FLYWCH1: variants seen among roughly 807,000 people sequenced by gnomAD.
FLYWCH1 encodes FLYWCH-type zinc finger 1, also known as FLYWCH-type zinc finger-containing protein 1.
FLYWCH1 carries 75 observed loss-of-function variants against 66.4 expected under a neutral mutation model. The observed-to-expected ratio is 1.13, with a 90% CI of 0.94 to 1.37. FLYWCH1 has a LOEUF of 1.37. Among genes scored for constraint, FLYWCH1 ranks in the 40% most tolerant of loss-of-function variants. The pLI, the probability that FLYWCH1 is intolerant of heterozygous loss-of-function variation, is 0.00. For synonymous variants in FLYWCH1, 595 were observed against 429.9 expected (o/e 1.38, Z -4.75); for missense variants, 1,334 against 1,001.8 (o/e 1.33, Z -4.48).
chr16:2,938,636 T>G (rs1480545984), intron 8 of FLYWCH1, among the ~76,000 whole-genome samples, 180 bp downstream of exon 8: 5 of 142,546 alleles, frequency 3.5e-5, no homozygotes, highest in East Asian at 4.1e-4. Flanking sequence ...TTTTTGAGAC[T>G]GAGTCTTGCT....
intron 6 of FLYWCH1, chr16:2,934,496 G>C (rs770806086): frequency 5.3e-6 from 2 of 374,738 alleles, no homozygotes; most frequent in African/African-American, 4.2e-5. Context: ...TCGGCCCCCC[G>C]CAGTGCCTGG....
intron 2 of FLYWCH1, among the ~76,000 whole-genome samples, chr16:2,923,537 C>T (rs1025224184): frequency 2.0e-5 from 3 of 152,140 alleles, no homozygotes; most frequent in Admixed American, 6.6e-5. Flanking sequence ...TGAGCCACAG[C>T]GCCCGGGCAG....
chr16:2,927,487 CAGG>C (rs1161348280), intron 2 of FLYWCH1, among the ~76,000 whole-genome samples: 2 of 152,172 alleles, frequency 1.3e-5, no homozygotes, highest in African/African-American at 2.4e-5. Context: ...ATTGCTCCAG[CAGG>C]AGTTGATGTA....
intron 9 of FLYWCH1, among the ~76,000 whole-genome samples, chr16:2,946,971 T>C (rs2071512336): frequency 6.6e-6 from 1 of 152,158 alleles, no homozygotes; most frequent in African/African-American, 2.4e-5. Context: ...AGGTACCCTA[T>C]GACCCAGCAA....
At chr16:2,921,798 T>A (rs1567323138) in intron 2 of FLYWCH1, among the ~76,000 whole-genome samples, 1 of 152,140 alleles carries the variant, frequency 6.6e-6, no homozygotes, top group Non-Finnish European at 1.5e-5. Flanking sequence ...GTGTGGTGGC[T>A]CACACCTGTA....
chr16:2,930,903 C>T (rs765657859), intron 4 of FLYWCH1, 23 bp downstream of exon 4: 45 of 1,545,006 alleles, frequency 2.9e-5, no homozygotes, highest in Admixed American at 1.7e-4. Context: ...CACTCCCCTG[C>T]TGCGTCCACT....
At chr16:2,948,661 A>C in intron 9 of FLYWCH1, 27 bp from the exon 10 acceptor site, 1 of 1,611,410 alleles carries the variant, frequency 6.2e-7, no homozygotes, top group Non-Finnish European at 8.5e-7. Flanking sequence ...TGATGTGTGC[A>C]ATGAACATGT....
chr16:2,921,549 A>T (rs932046731), intron 2 of FLYWCH1, among the ~76,000 whole-genome samples: 2 of 151,874 alleles, frequency 1.3e-5, no homozygotes, highest in Non-Finnish European at 2.9e-5. Context: ...ATTTTTTTTT[A>T]ATTTAATTAA....
intron 4 of FLYWCH1, among the ~76,000 whole-genome samples, chr16:2,931,615 CAAAA>C (rs555944806): frequency 1.9e-4 from 27 of 145,056 alleles, no homozygotes; most frequent in African/African-American, 6.3e-4. Context: ...GACCCTGTCT[CAAAA>C]AAAAAAATCA....
chr16:2,942,172 G>C (rs77638275), intron 9 of FLYWCH1, among the ~76,000 whole-genome samples: 11 of 152,072 alleles, frequency 7.2e-5, no homozygotes, highest in Admixed American at 1.3e-4. Flanking sequence ...CAGGAATAAA[G>C]ATGAGACCTT....
At position 2,929,832 on chromosome 16, in the gene FLYWCH1, C is replaced by A. The variant is rs199887593; in HGVS notation, c.147C>A (p.Asp49Glu). 216 of 1,613,978 alleles carry A rather than the reference C, an allele frequency of 1.3e-4. No individual in the cohort carries two copies. The highest frequency in any genetic ancestry group is 1.8e-4 in the Non-Finnish European group (211 of 1,179,894). ...FSKLVLLTAS[D>E]QDEDGVGSKP... The stretch of plus-strand genomic sequence containing the variant: ...AACTGGTGCTGCTCACAGCCTCCGA[C>A]CAAGATGAGGATGGGGTGGGATCCA... Residue 49 changes from aspartate to glutamate, a missense_variant, in exon 3 of 10, where the codon GAC (aspartate) becomes GAA (glutamate). By Grantham distance (45) the Asp-to-Glu change is conservative (BLOSUM62 2). Coordinates refer to ENST00000253928, the MANE Select transcript of FLYWCH1 (RefSeq NM_001308068.2).
At position 2,933,501 on chromosome 16, in the gene FLYWCH1, A is replaced by G. The variant is rs933894936; in HGVS notation, c.1168A>G (p.Lys390Glu). Residue 390 changes from lysine to glutamate, a missense_variant, in exon 5 of 10, where the codon AAG becomes GAG. Transcript: ENST00000253928. ...PLTLTRPRPR[K>E]RAKVEDQELP... is the part of the protein sequence containing the mutation. ...GACTCTCACCAGGCCTCGGCCCAGAAAGCGAGCAAAGGTCGAAGACCAGGA... is the reference window on the plus strand; with the variant it reads ...GACTCTCACCAGGCCTCGGCCCAGAGAGCGAGCAAAGGTCGAAGACCAGGA... 1 of 1,611,508 alleles carries G rather than the reference A, an allele frequency of 6.2e-7. No individual in the cohort carries two copies. The highest frequency in any genetic ancestry group is 8.5e-7 in the Non-Finnish European group (1 of 1,179,098).
Position 2,948,943 on chromosome 16 carries a change from A to G in FLYWCH1, c.*216A>G. The G allele has an allele frequency of 1.8e-6, 1 of 552,790 alleles. No individual in the cohort carries two copies. Among genetic ancestry groups the G allele is most frequent in the African/African-American group, 1.9e-5 (1 of 52,640 alleles). The allele number at this position is 552,790 out of a possible 1,614,324, so 34.2% of individuals were successfully genotyped here. A position where few individuals can be genotyped will look rare whatever the true frequency, so the allele number is the denominator to read the frequency against. On this transcript the variant is annotated 3_prime_UTR_variant, in exon 10 of 10. Transcript: ENST00000253928. ...AACAGTGCTCAGAGCTGGCGCTTGC[A>G]GACGCAGCTGTCGTGGGGCAGGGCG...
chr16:2,929,956 G>A lies in FLYWCH1; in HGVS notation c.271G>A (p.Val91Met). 1 of 1,613,296 alleles carries A rather than the reference G, an allele frequency of 6.2e-7. No individual in the cohort carries two copies. Among genetic ancestry groups the A allele is most frequent in the South Asian group, 1.1e-5 (1 of 91,074 alleles). ...QILPVEEQGG[V>M]VQPALEMPEQ... ...CCTGCCAGTTGAGGAGCAGGGAGGGGTGGTCCAGCCAGCCCTAGAGATGCC... is the reference window on the plus strand; with the variant it reads ...CCTGCCAGTTGAGGAGCAGGGAGGGATGGTCCAGCCAGCCCTAGAGATGCC... Residue 91 changes from valine (V) to methionine (M), a missense_variant, in exon 3 of 10, where the codon GTG becomes ATG. Val to Met is a conservative substitution (Grantham distance 21). Coordinates refer to ENST00000253928, the MANE Select transcript of FLYWCH1 (RefSeq NM_001308068.2).
intron 2 of FLYWCH1, among the ~76,000 whole-genome samples, chr16:2,914,908 C>CAAA (rs555910638): frequency 5.5e-5 from 4 of 72,704 alleles, no homozygotes; most frequent in African/African-American, 1.6e-4. Flanking sequence ...GACTCTGTCT[C>CAAA]AAAAAAAAAA....
At chr16:2,920,979 C>T (rs903489492) in intron 2 of FLYWCH1, among the ~76,000 whole-genome samples, 1 of 151,202 alleles carries the variant, frequency 6.6e-6, no homozygotes, top group Non-Finnish European at 1.5e-5. Context: ...GTAGCTGGGA[C>T]TACAGGCGCC....
At chr16:2,942,012 A>AC (rs1555488012) in intron 9 of FLYWCH1, among the ~76,000 whole-genome samples, 10 of 146,468 alleles carry the variant, frequency 6.8e-5, no homozygotes, top group East Asian at 3.9e-4. Context: ...AAAAAAAAAA[A>AC]AAAAAAAAAA....
Position 2,929,999 on chromosome 16 carries a change from A to G in FLYWCH1, c.314A>G (p.Lys105Arg), listed in dbSNP as rs377001546. ...ALEMPEQKCS[K>R]LDAAAPQSLE... ...GAGATGCCTGAACAGAAGTGCAGCAAGCTGGATGCAGGTGAGGTGTGGCTT... is the reference window on the plus strand; with the variant it reads ...GAGATGCCTGAACAGAAGTGCAGCAGGCTGGATGCAGGTGAGGTGTGGCTT... The change falls in exon 3 of 10, where the codon AAG (lysine) becomes AGG (arginine). Residue 105 changes from lysine to arginine, a missense_variant. Lys to Arg is a conservative substitution (Grantham distance 26). Transcript: ENST00000253928. The G allele has an allele frequency of 8.1e-6, 13 of 1,604,058 alleles. No individual in the cohort carries two copies. In the East Asian group the frequency reaches 2.9e-4, roughly 36 times the overall value.
intron 4 of FLYWCH1, among the ~76,000 whole-genome samples, chr16:2,931,505 A>C (rs2070761330): frequency 1.3e-5 from 2 of 151,394 alleles, no homozygotes; most frequent in South Asian, 4.2e-4. Flanking sequence ...GGTCTCAGCC[A>C]CTTGGGAGAC....
Sources: allele counts gnomAD v4.1 joint callset (sites outside exome capture counted in the v4.1 genomes callset), GRCh38; gene constraint gnomAD v4.1.1; transcripts MANE v1.5; gene names NCBI Gene and HGNC (gene_info 2026-07-23, HGNC 2026-07-21).